ACCSL: variants seen among roughly 807,000 people sequenced by gnomAD.
The protein encoded by ACCSL is probable inactive 1-aminocyclopropane-1-carboxylate synthase-like protein 2.
Under a neutral mutation model 61.7 loss-of-function variants are expected in ACCSL, and 55 were observed. That is an observed-to-expected ratio of 0.89 (90% CI 0.72 to 1.12). The LOEUF is 1.12. ACCSL is among the 50% of genes most tolerant of loss of function. ACCSL has a pLI of 0.00. For synonymous variants in ACCSL, 258 were observed against 264.3 expected (o/e 0.98, Z 0.23); for missense variants, 632 against 698.0 (o/e 0.91, Z 1.07).
the ACCSL span, among the ~76,000 whole-genome samples, chr11:44,039,971 G>C: frequency 2.0e-5 from 3 of 152,208 alleles, no homozygotes; most frequent in Admixed American, 2.0e-4. Context: ...CCCTCGGGGA[G>C]GTAGGTTTCA....
chr11:43,949,889 G>A, the ACCSL span, among the ~76,000 whole-genome samples: 258 of 152,242 alleles, frequency 1.7e-3, 3 homozygotes, highest in East Asian at 0.02. Context: ...ATTTGCCCTC[G>A]AGGAAGGGCC....
the ACCSL span, among the ~76,000 whole-genome samples, chr11:44,036,824 G>A: frequency 1.6e-4 from 24 of 151,546 alleles, no homozygotes; most frequent in African/African-American, 4.6e-4. Flanking sequence ...TGGCATGGAC[G>A]GGCCAGGGTC....
the ACCSL span, among the ~76,000 whole-genome samples, chr11:43,923,198 A>G: frequency 2.0e-5 from 3 of 152,182 alleles, no homozygotes; most frequent in Admixed American, 6.5e-5. Context: ...AGTGCGCTGA[A>G]TGCTCCAGTT....
In ACCSL at chr11:44,048,479, C is replaced by A. The variant is rs759197314; in HGVS notation, c.443C>A (p.Ser148Ter). Residue 148 changes from serine to a stop codon, truncating the protein, a stop_gained, in exon 1 of 14, where the codon TCG becomes TAG. Transcript: ENST00000378832. LOFTEE classifies it high-confidence loss of function. ...ATTGACATCTCTGTCTTTTATCAGT[C>A]GAGCTTCCAGGACTACAATGCCTAC... ...RGIDISVFYQ[S>*]SFQDYNAYQK... 1.9e-6 allele frequency: 3 copies of A among 1,609,490 alleles called. No homozygotes were observed. The highest frequency in any genetic ancestry group is 2.5e-6 in the Non-Finnish European group (3 of 1,179,646).
intron 1 of ACCSL, 80 bp downstream of exon 1, chr11:44,048,620 T>G: frequency 1.5e-6 from 2 of 1,356,306 alleles, no homozygotes; most frequent in Non-Finnish European, 2.0e-6. Context: ...GGCCAAGTGC[T>G]ATATATGCTC....
chr11:43,994,835 A>G, the ACCSL span, among the ~76,000 whole-genome samples: 3 of 151,972 alleles, frequency 2.0e-5, no homozygotes, highest in Non-Finnish European at 2.9e-5. Flanking sequence ...AAGTTTCACC[A>G]TGTTGCCCAG....
chr11:44,056,387 G>A, intron 11 of ACCSL, 61 bp downstream of exon 11: 1 of 1,557,092 alleles, frequency 6.4e-7, no homozygotes, highest in Non-Finnish European at 8.7e-7. Flanking sequence ...GGGAATTCTT[G>A]GATTTGCTTG....
At chr11:44,044,896 T>C (rs1433341896), upstream of ACCSL, among the ~76,000 whole-genome samples, 3 of 151,664 alleles carry the variant, frequency 2.0e-5, no homozygotes, top group Non-Finnish European at 2.9e-5. Context: ...GGCCCCCGGG[T>C]GAATGGAAAG....
At chr11:43,921,444 C>T in the ACCSL span, among the ~76,000 whole-genome samples, 18,776 of 152,248 alleles carry the variant, frequency 0.12, 1,471 homozygotes, top group Admixed American at 0.24. Context: ...TTGAGCACCA[C>T]ACCAAGCTTT....
the ACCSL span, among the ~76,000 whole-genome samples, chr11:43,979,870 A>G: frequency 5.9e-5 from 7 of 119,024 alleles, no homozygotes; most frequent in African/African-American, 2.1e-4. Context: ...AAAAAAGAAA[A>G]GAAAAAAAAA....
At chr11:43,943,295 A>C in the ACCSL span, 2 of 1,456,896 alleles carry the variant, frequency 1.4e-6, no homozygotes, top group Non-Finnish European at 1.8e-6. This position sits in a 1 kb window ranked among gnomAD's most constrained non-coding sequence, Gnocchi z 4.8. Flanking sequence ...CGCGGGGGGG[A>C]CGCGCGCGTC....
chr11:43,946,190 G>A, the ACCSL span, among the ~76,000 whole-genome samples: 6 of 152,114 alleles, frequency 3.9e-5, no homozygotes, highest in African/African-American at 7.2e-5. Context: ...AGGTTCAAGC[G>A]ATTCTCCTGC....
chr11:43,949,957 A>G, the ACCSL span, among the ~76,000 whole-genome samples: 3 of 152,244 alleles, frequency 2.0e-5, no homozygotes, highest in African/African-American at 7.2e-5. Flanking sequence ...GCTGATTGGC[A>G]ATGTGAGCTG....
At chr11:43,995,544 CAGAG>C in the ACCSL span, 1 of 152,194 alleles carries the variant, frequency 6.6e-6, no homozygotes, top group Non-Finnish European at 1.5e-5. Flanking sequence ...GGGTAGAGGA[CAGAG>C]AGAGTATGTC....
At chr11:44,047,138 C>T (rs976911542), upstream of ACCSL, among the ~76,000 whole-genome samples, 1 of 152,208 alleles carries the variant, frequency 6.6e-6, no homozygotes, top group African/African-American at 2.4e-5. Context: ...GGGGTGAGGT[C>T]TCACCATCTG....
chr11:43,928,913 C>T, the ACCSL span, among the ~76,000 whole-genome samples: 1 of 152,238 alleles, frequency 6.6e-6, no homozygotes, highest in Non-Finnish European at 1.5e-5. Context: ...CCACTGCCCC[C>T]ATGCTGGCTG....
Position 44,052,691 on chromosome 11 carries a change from G to A in ACCSL, c.802G>A (p.Gly268Ser). ...CTTCCTGGTCCCTGCTCCCTTCTAT[G>A]GTGGCTTTGCCTTTAGCTCCCGCCT... ...EAFLVPAPFY[G>S]GFAFSSRLYA... Residue 268 changes from glycine (G) to serine (S), a missense_variant, in exon 6 of 14, where the codon GGT becomes AGT. By Grantham distance (56) the Gly-to-Ser change is moderately conservative. Coordinates refer to ENST00000378832, the MANE Select transcript of ACCSL (RefSeq NM_001031854.2). 1 of 1,614,138 alleles carries A rather than the reference G, an allele frequency of 6.2e-7. No homozygotes were observed. Among genetic ancestry groups the A allele is most frequent in the Non-Finnish European group, 8.5e-7 (1 of 1,180,024 alleles).
the ACCSL span, among the ~76,000 whole-genome samples, chr11:43,967,338 C>T: frequency 2.6e-5 from 4 of 151,764 alleles, no homozygotes; most frequent in African/African-American, 9.7e-5. Context: ...TCACCATGCC[C>T]AGATAATTTT....
chr11:43,946,318 G>C, the ACCSL span, among the ~76,000 whole-genome samples: 16 of 152,130 alleles, frequency 1.1e-4, no homozygotes, highest in African/African-American at 3.6e-4. Flanking sequence ...GGCTGGTCTT[G>C]AACTCCTGAC....
Sources: allele counts gnomAD v4.1 joint callset (sites outside exome capture counted in the v4.1 genomes callset), GRCh38; gene constraint gnomAD v4.1.1; non-coding constraint Gnocchi (gnomAD v3.1); transcripts MANE v1.5; gene names NCBI Gene and HGNC (gene_info 2026-07-23, HGNC 2026-07-21).